The following RBFOX1 variants were observed in gnomAD, a reference collection of about 807,000 sequenced individuals.
RBFOX1 encodes the protein RNA binding fox-1 homolog 1, also known as RNA binding protein fox-1 homolog 1.
Under a neutral mutation model 57.7 loss-of-function variants are expected in RBFOX1, and 8 were observed. That is an observed-to-expected ratio of 0.14 (90% CI 0.08 to 0.25). RBFOX1 has a LOEUF of 0.25. Ranked by LOEUF, RBFOX1 falls within the 10% of genes least tolerant of loss-of-function variation. RBFOX1 has a pLI of 1.00. For missense variants in RBFOX1, 611 were observed against 548.5 expected (o/e 1.11, Z -1.14); for synonymous variants, 326 against 222.4 (o/e 1.47, Z -4.15).
intron 3 of RBFOX1, among the ~76,000 whole-genome samples, chr16:5,799,648 G>A (rs572145059): frequency 2.6e-4 from 40 of 152,292 alleles, no homozygotes; most frequent in Non-Finnish European, 5.3e-4. Context: ...GTAGGCTCAT[G>A]TGTTCTGAGT....
At chr16:7,231,261 G>T (rs1425100365) in intron 4 of RBFOX1, among the ~76,000 whole-genome samples, 1 of 152,162 alleles carries the variant, frequency 6.6e-6, no homozygotes, top group Non-Finnish European at 1.5e-5. Flanking sequence ...AGAAATAAGG[G>T]AGGGCTTGGC....
intron 1 of RBFOX1, among the ~76,000 whole-genome samples, chr16:5,400,106 T>TC (rs893697547): frequency 7.9e-5 from 12 of 151,900 alleles, no homozygotes; most frequent in African/African-American, 2.9e-4. Flanking sequence ...TTTCTTTCTT[T>TC]CTTTTTTTTT....
intron 2 of RBFOX1, among the ~76,000 whole-genome samples, chr16:6,368,981 G>A (rs950177250): frequency 1.3e-5 from 2 of 152,166 alleles, no homozygotes; most frequent in African/African-American, 4.8e-5. Flanking sequence ...AATAGGATGT[G>A]TTATCCTCAC....
At chr16:7,225,908 A>AAATAAATATATATATACATATATATATG (rs1567789203) in intron 4 of RBFOX1, among the ~76,000 whole-genome samples, 1 of 124,890 alleles carries the variant, frequency 8.0e-6, no homozygotes, top group African/African-American at 4.1e-5. Flanking sequence ...TATAATAAAT[A>AAATAAATATATATATACATATATATATG]TATATATATA....
intron 4 of RBFOX1, among the ~76,000 whole-genome samples, chr16:7,116,834 C>T (rs1465732173): frequency 2.0e-5 from 3 of 152,114 alleles, no homozygotes; most frequent in African/African-American, 7.2e-5. Context: ...AGGACACAGA[C>T]CATCCCCTCA....
chr16:6,967,613 C>T (rs1257485291), intron 3 of RBFOX1, among the ~76,000 whole-genome samples: 3 of 152,082 alleles, frequency 2.0e-5, no homozygotes, highest in African/African-American at 7.2e-5. Flanking sequence ...CCCCTCAGTA[C>T]TCAGTACACT....
At chr16:7,193,133 G>C (rs11647846) in intron 4 of RBFOX1, among the ~76,000 whole-genome samples, 40,833 of 152,136 alleles carry the variant, frequency 0.27, 5,793 homozygotes, top group Non-Finnish European at 0.32. Flanking sequence ...TGAGATAGGC[G>C]CATTATCCTG....
At chr16:6,096,215 C>T (rs1340737929) in intron 1 of RBFOX1, among the ~76,000 whole-genome samples, 1 of 152,112 alleles carries the variant, frequency 6.6e-6, no homozygotes, top group Admixed American at 6.6e-5. Flanking sequence ...GAGCATTGTC[C>T]TGCTGAATTA....
At chr16:6,531,621 C>G (rs1386780952) in intron 2 of RBFOX1, among the ~76,000 whole-genome samples, 2 of 152,140 alleles carry the variant, frequency 1.3e-5, no homozygotes, top group African/African-American at 4.8e-5. Flanking sequence ...TTCTATTCCT[C>G]AGTGTACGAA....
intron 3 of RBFOX1, among the ~76,000 whole-genome samples, chr16:5,864,889 A>G (rs1230203218): frequency 2.0e-5 from 3 of 152,220 alleles, no homozygotes; most frequent in Non-Finnish European, 4.4e-5. Context: ...TAGGTGGTTG[A>G]ATATTCAAAC....
chr16:7,399,337 C>T (rs777630558), intron 4 of RBFOX1, among the ~76,000 whole-genome samples: 6 of 152,066 alleles, frequency 3.9e-5, no homozygotes, highest in East Asian at 1.9e-4. Context: ...ATCGCAGCTA[C>T]GTGGGAGGCT....
chr16:6,973,982 G>A (rs1393820941), intron 3 of RBFOX1, among the ~76,000 whole-genome samples: 1 of 152,050 alleles, frequency 6.6e-6, no homozygotes, highest in Non-Finnish European at 1.5e-5. Flanking sequence ...CTGTGTCCAT[G>A]TGTTCTCATT....
intron 2 of RBFOX1, among the ~76,000 whole-genome samples, chr16:6,542,448 A>ATCGCATGATCCACTGCCCTGTGTG (rs1292614349): frequency 2.1e-5 from 3 of 143,026 alleles, no homozygotes; most frequent in Non-Finnish European, 1.5e-5. Context: ...TCAGTGGATA[A>ATCGCATGATCCACTGCCCTGTGTG]TCGCATGATC....
chr16:7,309,431 C>G (rs1177495453), intron 4 of RBFOX1, among the ~76,000 whole-genome samples: 1 of 152,142 alleles, frequency 6.6e-6, no homozygotes, highest in Admixed American at 6.5e-5. Flanking sequence ...ATCCACAGAC[C>G]AAAGCCTTGT....
At chr16:6,549,575 A>AGGG (rs1482949953) in intron 2 of RBFOX1, among the ~76,000 whole-genome samples, 16 of 143,466 alleles carry the variant, frequency 1.1e-4, no homozygotes, top group African/African-American at 3.6e-4. Flanking sequence ...GGAAGGGAGG[A>AGGG]AGGAGGAGGA....
chr16:6,958,882 T>C (rs1308414326), intron 3 of RBFOX1, among the ~76,000 whole-genome samples: 1 of 152,128 alleles, frequency 6.6e-6, no homozygotes, highest in African/African-American at 2.4e-5. Context: ...TTTTGAGAAC[T>C]GAGAAATGAT....
At chr16:6,565,703 C>T (rs1037163620) in intron 2 of RBFOX1, among the ~76,000 whole-genome samples, 9 of 152,254 alleles carry the variant, frequency 5.9e-5, no homozygotes, top group East Asian at 1.9e-4. Context: ...CTCCTGACCT[C>T]GTGATCCGCC....
intron 3 of RBFOX1, among the ~76,000 whole-genome samples, chr16:6,673,070 A>G (rs1469102518): frequency 6.6e-6 from 1 of 152,218 alleles, no homozygotes; most frequent in African/African-American, 2.4e-5. Flanking sequence ...GCTTCTTACC[A>G]GAGTTGGAAT....
At chr16:5,886,512 T>C (rs899404861) in intron 4 of RBFOX1, among the ~76,000 whole-genome samples, 1 of 152,358 alleles carries the variant, frequency 6.6e-6, no homozygotes, top group African/African-American at 2.4e-5. Flanking sequence ...GCTATTTTAA[T>C]TAAAACAGCA....
Sources: allele counts gnomAD v4.1 joint callset (sites outside exome capture counted in the v4.1 genomes callset), GRCh38; gene constraint gnomAD v4.1.1; transcripts MANE v1.5; gene names NCBI Gene and HGNC (gene_info 2026-07-23, HGNC 2026-07-21).